The following TNFRSF1B variants were observed in gnomAD, a reference collection of about 807,000 sequenced individuals.
TNFRSF1B encodes the protein TNF receptor superfamily member 1B, also known as tumor necrosis factor receptor superfamily member 1B.
A neutral mutation model predicts 44.6 loss-of-function variants in TNFRSF1B; 19 were observed. The observed-to-expected ratio is 0.43, with a 90% CI of 0.30 to 0.62. The LOEUF (loss-of-function observed/expected upper bound fraction) is 0.62. Ranked by LOEUF, TNFRSF1B falls within the 20% of genes least tolerant of loss-of-function variation. The pLI is 0.16. For missense variants in TNFRSF1B, 541 were observed against 619.9 expected (o/e 0.87, Z 1.35); for synonymous variants, 252 against 261.1 (o/e 0.97, Z 0.34).
intron 1 of TNFRSF1B, among the ~76,000 whole-genome samples, chr1:12,175,428 C>A (rs1186499868): frequency 6.6e-6 from 1 of 152,236 alleles, no homozygotes; most frequent in Non-Finnish European, 1.5e-5. Context: ...TGTGGTCCAG[C>A]TGTGGACTTG....
intron 1 of TNFRSF1B, among the ~76,000 whole-genome samples, chr1:12,181,086 G>A (rs552151399): frequency 6.6e-6 from 1 of 152,286 alleles, no homozygotes; most frequent in African/African-American, 2.4e-5. Flanking sequence ...CCTGAGGAAC[G>A]GGCCTGGTGC....
rs896631420 is a variant in TNFRSF1B, at chr1:12,178,204, T to C, written c.79-10592T>C. On this transcript the variant is annotated intron_variant, in intron 1 of 9. Coordinates refer to ENST00000376259, the MANE Select transcript of TNFRSF1B (RefSeq NM_001066.3). This position sits in a 1 kb window ranked among gnomAD's most constrained non-coding sequence, Gnocchi z 4.3. ...GCTAGCTCCAGCTCATTTCAACTAATTGAAAATTAAAACTTTGCTTCTGTT... is the reference window on the plus strand; with the variant it reads ...GCTAGCTCCAGCTCATTTCAACTAACTGAAAATTAAAACTTTGCTTCTGTT... Among the ~76,000 whole-genome samples the C allele has an allele frequency of 1.3e-5, 2 of 152,198 alleles. No homozygotes were observed. The highest frequency in any genetic ancestry group is 4.8e-5 in the African/African-American group (2 of 41,434).
At position 12,193,075 on chromosome 1, in the gene TNFRSF1B, C is replaced by G. The variant is rs1024014210; in HGVS notation, c.764C>G (p.Thr255Ser). The change falls in exon 6 of 10, where the codon ACT (threonine) becomes AGT (serine). Residue 255 changes from threonine to serine, a missense_variant. Thr to Ser is a moderately conservative substitution (Grantham distance 58). Coordinates refer to ENST00000376259, the MANE Select transcript of TNFRSF1B (RefSeq NM_001066.3). ...CCCAGCCCCCCAGCTGAAGGGAGCA[C>G]TGGCGACTTCGCTCTTCCAGTTGGT... The part of the protein sequence containing the change: ...MGPSPPAEGS[T>S]GDFALPVGLI... 4 of 1,614,088 alleles carry G rather than the reference C, an allele frequency of 2.5e-6. No homozygotes were observed. The highest frequency in any genetic ancestry group is 1.1e-5 in the South Asian group (1 of 91,072).
chr1:12,183,723 A>C (rs1638890742), intron 1 of TNFRSF1B, among the ~76,000 whole-genome samples: 1 of 103,604 alleles, frequency 9.7e-6, no homozygotes, highest in African/African-American at 3.7e-5. Flanking sequence ...CTATCTACCT[A>C]TCTATCTATC....
intron 1 of TNFRSF1B, among the ~76,000 whole-genome samples, chr1:12,184,498 CAG>C (rs751320168): frequency 2.6e-5 from 4 of 152,162 alleles, no homozygotes; most frequent in South Asian, 2.1e-4. Flanking sequence ...TGGAGCCACA[CAG>C]AGCCAGGGAG....
rs1638512979 is a variant in TNFRSF1B, at chr1:12,171,078, C to T, written c.78+3909C>T. On this transcript the variant is annotated intron_variant, in intron 1 of 9. Coordinates refer to ENST00000376259, the MANE Select transcript of TNFRSF1B (RefSeq NM_001066.3). The surrounding 1 kb of genome is among the most constrained non-coding windows in gnomAD (Gnocchi z 4.5). ...AGTGCAGTGGCCCAATCTCTGCTCA[C>T]TGCAACCTCCACCTCCTGGGTTCAA... Among the ~76,000 whole-genome samples the T allele has an allele frequency of 6.6e-6, 1 of 152,066 alleles. No homozygotes were observed. The highest frequency in any genetic ancestry group is 6.6e-5 in the Admixed American group (1 of 15,264).
rs942881668 is a variant in TNFRSF1B, at chr1:12,187,302, C to T, written c.79-1494C>T. 5.9e-5 allele frequency among the ~76,000 whole-genome samples: 9 copies of T among 152,206 alleles called. No homozygotes were observed. The South Asian group carries it at 8.3e-4, about 14-fold the overall frequency. On this transcript the variant is annotated intron_variant, in intron 1 of 9. Coordinates refer to ENST00000376259, the MANE Select transcript of TNFRSF1B (RefSeq NM_001066.3). This position sits in a 1 kb window ranked among gnomAD's most constrained non-coding sequence, Gnocchi z 5.5. ...CAGAGTAGCTGGGATTACAGGCACACGCCACTATGCCGGGATAATTTTGTA... is the reference window on the plus strand; with the variant it reads ...CAGAGTAGCTGGGATTACAGGCACATGCCACTATGCCGGGATAATTTTGTA...
chr1:12,202,250 T>C, intron 9 of TNFRSF1B, 79 bp downstream of exon 9: 4 of 1,506,496 alleles, frequency 2.7e-6, no homozygotes, highest in Non-Finnish European at 3.5e-6. Flanking sequence ...AGCCATCTCC[T>C]CCTGAGCCTC....
intron 6 of TNFRSF1B, 83 bp from the exon 7 acceptor site, chr1:12,193,872 T>C (rs1017742507): frequency 1.0e-5 from 11 of 1,098,668 alleles, no homozygotes; most frequent in South Asian, 2.5e-5. Flanking sequence ...CCGAAGCACC[T>C]TGGGTCCCTG....
chr1:12,193,059 C>G lies in TNFRSF1B; in HGVS notation c.748C>G (p.Pro250Ala). The G allele has an allele frequency of 6.2e-7, 1 of 1,614,190 alleles. No homozygotes were observed. The highest frequency in any genetic ancestry group is 8.5e-7 in the Non-Finnish European group (1 of 1,180,028). ...SFLLPMGPSP[P>A]AEGSTGDFAL... Reference sequence around the variant, plus strand: ...CCTGCTCCCAATGGGCCCCAGCCCCCCAGCTGAAGGGAGCACTGGCGACTT... The same window carrying G: ...CCTGCTCCCAATGGGCCCCAGCCCCGCAGCTGAAGGGAGCACTGGCGACTT... The change falls in exon 6 of 10, where the codon CCA becomes GCA. Residue 250 changes from proline to alanine, a missense_variant. Physicochemically the swap from Pro to Ala is conservative, Grantham distance 27. Coordinates refer to ENST00000376259, the MANE Select transcript of TNFRSF1B (RefSeq NM_001066.3).
rs978446223 is a variant in TNFRSF1B, at chr1:12,177,676, C to T, written c.78+10507C>T. 1.3e-4 allele frequency among the ~76,000 whole-genome samples: 20 copies of T among 152,076 alleles called. No individual in the cohort carries two copies. The highest frequency in any genetic ancestry group is 4.3e-4 in the African/African-American group (18 of 41,408). On this transcript the variant is annotated intron_variant, in intron 1 of 9. Coordinates refer to ENST00000376259, the MANE Select transcript of TNFRSF1B (RefSeq NM_001066.3). The surrounding 1 kb of genome is among the most constrained non-coding windows in gnomAD (Gnocchi z 4.3). Reference sequence around the variant, plus strand: ...CCGAGGGCTAAGAGCTGACATTTAGCCTGGCTACTCAGGAGACTGAGGCAG... The same window carrying T: ...CCGAGGGCTAAGAGCTGACATTTAGTCTGGCTACTCAGGAGACTGAGGCAG...
intron 2 of TNFRSF1B, among the ~76,000 whole-genome samples, chr1:12,190,195 G>A (rs925733317): frequency 6.6e-6 from 1 of 152,090 alleles, no homozygotes; most frequent in Admixed American, 6.5e-5. Context: ...TTAACTGGAA[G>A]GGTCTCTTTA....
chr1:12,169,593 A>T lies in TNFRSF1B; in HGVS notation c.78+2424A>T, dbSNP rs576813540. On this transcript the variant is annotated intron_variant, in intron 1 of 9. Transcript: ENST00000376259. This position sits in a 1 kb window ranked among gnomAD's most constrained non-coding sequence, Gnocchi z 4.5. Reference sequence around the variant, plus strand: ...CCCTCACACACAGTGGGTTCTCAGGATGGAAGTCAACTGAGCTGCAGAAGA... The same window carrying T: ...CCCTCACACACAGTGGGTTCTCAGGTTGGAAGTCAACTGAGCTGCAGAAGA... Among the ~76,000 whole-genome samples the T allele has an allele frequency of 2.9e-4, 44 of 152,332 alleles. No homozygotes were observed. Among genetic ancestry groups the T allele is most frequent in the African/African-American group, 1.1e-3 (44 of 41,568 alleles).
chr1:12,189,365 T>C (rs1639059992), intron 2 of TNFRSF1B, among the ~76,000 whole-genome samples: 1 of 152,238 alleles, frequency 6.6e-6, no homozygotes, highest in African/African-American at 2.4e-5. Flanking sequence ...GCCTCCACTG[T>C]GTGCTCCTCT....
At chr1:12,203,301 G>A (rs571237483) in intron 9 of TNFRSF1B, among the ~76,000 whole-genome samples, 1 of 152,276 alleles carries the variant, frequency 6.6e-6, no homozygotes, top group South Asian at 2.1e-4. Flanking sequence ...GTGACATTGT[G>A]CCCAGCTGGG....
Position 12,206,923 on chromosome 1 carries a change from T to C in TNFRSF1B, c.1289T>C (p.Phe430Ser), listed in dbSNP as rs1407911411. The C allele has an allele frequency of 6.2e-7, 1 of 1,614,132 alleles. No individual in the cohort carries two copies. Among genetic ancestry groups the C allele is most frequent in the South Asian group, 1.1e-5 (1 of 91,086 alleles). ...CCCTTCTCCAAGGAGGAATGTGCCT[T>C]TCGGTCACAGCTGGAGACGCCAGAG... ...QVPFSKEECA[F>S]RSQLETPETL... Residue 430 changes from phenylalanine to serine, a missense_variant, in exon 10 of 10, where the codon TTT becomes TCT. Transcript: ENST00000376259.
rs1639045343 is a variant in TNFRSF1B at position 12,188,863 on chromosome 1, C to A, written c.146C>A (p.Thr49Lys). The change falls in exon 2 of 10, where the codon ACA becomes AAA. Residue 49 changes from threonine to lysine, a missense_variant. Coordinates refer to ENST00000376259, the MANE Select transcript of TNFRSF1B (RefSeq NM_001066.3). The stretch of plus-strand genomic sequence containing the variant: ...CGGCTCAGAGAATACTATGACCAGA[C>A]AGCTCAGATGTGCTGCAGCAAATGC... ...TCRLREYYDQ[T>K]AQMCCSKCSP... is the part of the protein sequence containing the mutation. The A allele has an allele frequency of 1.2e-6, 2 of 1,613,764 alleles. No individual in the cohort carries two copies. Among genetic ancestry groups the A allele is most frequent in the African/African-American group, 2.7e-5 (2 of 74,934 alleles).
intron 8 of TNFRSF1B, among the ~76,000 whole-genome samples, chr1:12,195,596 C>T (rs768396759): frequency 1.3e-5 from 2 of 152,210 alleles, no homozygotes; most frequent in Non-Finnish European, 2.9e-5. Context: ...CCTGGGTAGA[C>T]TTCTTTCATC....
Position 12,191,861 on chromosome 1 carries a change from A to T in TNFRSF1B, c.395A>T (p.Glu132Val), listed in dbSNP as rs1352692179. ...PGWYCALSKQ[E>V]GCRLCAPLRK... ...TGGTACTGCGCGCTGAGCAAGCAGGAGGGGTGCCGGCTGTGCGCGCCGCTG... is the reference window on the plus strand; with the variant it reads ...TGGTACTGCGCGCTGAGCAAGCAGGTGGGGTGCCGGCTGTGCGCGCCGCTG... The change falls in exon 4 of 10, where the codon GAG becomes GTG. Residue 132 changes from glutamate (E) to valine (V), a missense_variant. By Grantham distance (121) the Glu-to-Val change is moderately radical. Transcript: ENST00000376259. 6.2e-7 allele frequency: 1 copy of T among 1,612,306 alleles called. No individual in the cohort carries two copies. The highest frequency in any genetic ancestry group is 2.2e-5 in the East Asian group (1 of 44,872).
Sources: gnomAD v4.1 joint callset for allele counts (sites outside exome capture counted in the v4.1 genomes callset) on GRCh38, gnomAD v4.1.1 for gene constraint, Gnocchi (gnomAD v3.1) non-coding constraint, MANE v1.5 for transcripts, NCBI Gene and HGNC (gene_info 2026-07-23, HGNC 2026-07-21) for gene names.